The following LRCOL1 variants were observed in gnomAD, a reference collection of about 807,000 sequenced individuals.
LRCOL1 encodes the protein leucine-rich colipase-like protein 1.
A neutral mutation model predicts 21.6 loss-of-function variants in LRCOL1; 21 were observed. The ratio of observed to expected loss-of-function variants is 0.97; its 90% CI spans 0.69 to 1.40. The LOEUF (loss-of-function observed/expected upper bound fraction) is 1.40, where lower values mean the gene tolerates loss of function less well. LRCOL1 is among the 40% of genes most tolerant of loss of function. LRCOL1 has a pLI of 0.00. For missense variants in LRCOL1, 198 were observed against 202.3 expected, an observed-to-expected ratio of 0.98 and a Z score of 0.13; for synonymous variants, 98 against 90.1, an observed-to-expected ratio of 1.09 and a Z score of -0.49.
rs1022417601 is a variant in LRCOL1 at position 132,606,990 on chromosome 12, C to T, written c.-13-726G>A. Among the ~76,000 whole-genome samples, 7 of 152,216 alleles carry T rather than the reference C, an allele frequency of 4.6e-5. No individual in the cohort carries two copies. The highest frequency in any genetic ancestry group is 1.4e-4 in the African/African-American group (6 of 41,464). ...TTCCCCTGATGAATTTGAACGTGAG[C>T]ACCTGCTGTGAGCGGGAGCGGGGGC... On this transcript the variant is annotated intron_variant, in intron 1 of 5. Coordinates refer to ENST00000376608, the MANE Select transcript of LRCOL1 (RefSeq NM_001195520.2). The surrounding 1 kb of genome is among the most constrained non-coding windows in gnomAD (Gnocchi z 4.6).
At chr12:132,609,718 T>G (rs2041351720) in intron 1 of LRCOL1, among the ~76,000 whole-genome samples, 1 of 152,098 alleles carries the variant, frequency 6.6e-6, no homozygotes, top group African/African-American at 2.4e-5. Context: ...GTTAAAATGG[T>G]CAACTTTATG....
chr12:132,604,042 C>G (rs2041265136), intron 5 of LRCOL1: 2 of 1,392,926 alleles, frequency 1.4e-6, no homozygotes, highest in African/African-American at 2.9e-5. Flanking sequence ...CCTGCGGGGC[C>G]TGGTGGGCTC....
chr12:132,603,493 T>G, intron 5 of LRCOL1, 89 bp from the exon 6 acceptor site: 4 of 1,534,886 alleles, frequency 2.6e-6, no homozygotes, highest in Non-Finnish European at 3.5e-6. Flanking sequence ...GGCCACAGCA[T>G]CTCCCGGCAC....
At position 132,606,125 on chromosome 12, in the gene LRCOL1, A is replaced by C. The variant is rs1007862859; in HGVS notation, c.105+22T>G. 1 of 1,534,584 alleles carries C rather than the reference A, an allele frequency of 6.5e-7. No homozygotes were observed. The highest frequency in any genetic ancestry group is 8.7e-7 in the Non-Finnish European group (1 of 1,145,650). ...TGGCGCGTGTGGGGCCTGCAGGGGC[A>C]TCAGGGGTGCCCGGCACCCACCTTA... On this transcript the variant is annotated intron_variant, in intron 2 of 5. Transcript: ENST00000376608. The surrounding 1 kb of genome is among the most constrained non-coding windows in gnomAD (Gnocchi z 4.6).
Position 132,604,772 on chromosome 12 carries a change from G to A in LRCOL1, c.165C>T (p.Asn55=). 1 of 1,536,200 alleles carries A rather than the reference G, an allele frequency of 6.5e-7. No individual in the cohort carries two copies. The highest frequency in any genetic ancestry group is 8.7e-7 in the Non-Finnish European group (1 of 1,146,906). The part of the protein sequence containing the change: ...EECQSNCCTI[N]SLAPHTLCTP... ...TGCAGAGCGTGTGTGGGGCCAGGCTGTTGATGGTACAGCAGTTGCTCTGGC... is the reference window on the plus strand; with the variant it reads ...TGCAGAGCGTGTGTGGGGCCAGGCTATTGATGGTACAGCAGTTGCTCTGGC... Residue 55 remains asparagine, a synonymous_variant, in exon 3 of 6, where the codon AAC becomes AAT. Transcript: ENST00000376608.
At position 132,603,273 on chromosome 12, in the gene LRCOL1, T is replaced by G. The variant is rs1381342613; in HGVS notation, c.*129A>C. On this transcript the variant is annotated 3_prime_UTR_variant, in exon 6 of 6. Transcript: ENST00000376608. The stretch of plus-strand genomic sequence containing the variant: ...ACAGCCTTTCAGTTCCCACAGATTT[T>G]CAGAGCCCCAGAAACAGCAGCACAA... The G allele has an allele frequency of 2.1e-6, 3 of 1,396,820 alleles. No individual in the cohort carries two copies. The highest frequency in any genetic ancestry group is 2.9e-6 in the Non-Finnish European group (3 of 1,031,612). 86.5% of individuals were successfully genotyped at this position (1,396,820 alleles called of 1,614,324 possible).
At chr12:132,603,761 T>A in intron 5 of LRCOL1, 1 of 985,382 alleles carries the variant, frequency 1.0e-6, no homozygotes, top group South Asian at 4.7e-5. Context: ...TTTGCGCCGC[T>A]GGCGACCTGG....
chr12:132,603,500 G>T (rs1321714754), intron 5 of LRCOL1, 96 bp from the exon 6 acceptor site: 2 of 1,534,542 alleles, frequency 1.3e-6, no homozygotes, highest in African/African-American at 2.7e-5. Context: ...GCATCTCCCG[G>T]CACCAGCCTC....
chr12:132,604,435 C>T (rs1219197449), intron 4 of LRCOL1, 27 bp downstream of exon 4: 1 of 1,528,984 alleles, frequency 6.5e-7, no homozygotes, highest in Non-Finnish European at 8.7e-7. Context: ...ACCCCTGCTC[C>T]ATCTGCCCCG....
Position 132,603,196 on chromosome 12 carries a change from C to A in LRCOL1, c.*206G>T. Reference sequence around the variant, plus strand: ...ATTGATGTTTAACAATCAGGCTACACCCCAGTGCCTGGGATTTGTTCTCAC... The same window carrying A: ...ATTGATGTTTAACAATCAGGCTACAACCCAGTGCCTGGGATTTGTTCTCAC... On this transcript the variant is annotated 3_prime_UTR_variant, in exon 6 of 6. Transcript: ENST00000376608. 1.5e-6 allele frequency: 1 copy of A among 681,300 alleles called. No individual in the cohort carries two copies. The highest frequency in any genetic ancestry group is 2.4e-6 in the Non-Finnish European group (1 of 413,732). The allele number at this position is 681,300 out of a possible 1,614,324, so 42.2% of individuals were successfully genotyped here.
chr12:132,605,921 T>C (rs1457774795), intron 2 of LRCOL1: 2 of 551,312 alleles, frequency 3.6e-6, no homozygotes, highest in Non-Finnish European at 6.4e-6. Flanking sequence ...CGCCGTCCCA[T>C]AGCCTCAAGT....
chr12:132,605,076 G>A, intron 2 of LRCOL1: 3 of 1,329,202 alleles, frequency 2.3e-6, no homozygotes. Context: ...AAGGCACTGA[G>A]GGCAAGGATG....
intron 1 of LRCOL1, among the ~76,000 whole-genome samples, chr12:132,607,108 G>A (rs930594340): frequency 2.0e-5 from 3 of 152,206 alleles, no homozygotes; most frequent in African/African-American, 4.8e-5. Flanking sequence ...CCTGCGTGTG[G>A]TCAGCGGCCA....
At chr12:132,604,223 C>A in intron 5 of LRCOL1, 31 bp downstream of exon 5, 1 of 1,513,778 alleles carries the variant, frequency 6.6e-7, no homozygotes, top group Non-Finnish European at 8.8e-7. Context: ...CAAGGGAGGG[C>A]CTGGAGGCTG....
rs993918167 is a variant in LRCOL1 at position 132,604,546 on chromosome 12, C to G, written c.270G>C (p.Gln90His). ...TGTTGTTGCGGACGCAGCAGCTGCT[C>G]TGGCACTCTGAGTCGTGCGAGCATC... Reference protein sequence around the residue: ...GYRCSHDSECQSSCCVRNNSP... With the variant: ...GYRCSHDSECHSSCCVRNNSP... The change falls in exon 4 of 6, where the codon CAG becomes CAC. Residue 90 changes from glutamine to histidine, a missense_variant. Coordinates refer to ENST00000376608, the MANE Select transcript of LRCOL1 (RefSeq NM_001195520.2). 2.6e-6 allele frequency: 4 copies of G among 1,536,018 alleles called. No homozygotes were observed. Among genetic ancestry groups the G allele is most frequent in the Non-Finnish European group, 3.5e-6 (4 of 1,146,880 alleles).
At chr12:132,609,574 G>A (rs1446509926) in intron 1 of LRCOL1, among the ~76,000 whole-genome samples, 2 of 152,228 alleles carry the variant, frequency 1.3e-5, no homozygotes, top group Middle Eastern at 3.4e-3. Context: ...GTGCATCCCG[G>A]TAGTCCCAGC....
chr12:132,603,299 A>C lies in LRCOL1; in HGVS notation c.*103T>G, dbSNP rs1213946857. 2 of 1,493,240 alleles carry C rather than the reference A, an allele frequency of 1.3e-6. No homozygotes were observed. Among genetic ancestry groups the C allele is most frequent in the East Asian group, 2.5e-5 (1 of 40,406 alleles). The allele number at this position is 1,493,240 out of a possible 1,614,324, so 92.5% of individuals were successfully genotyped here. Reference sequence around the variant, plus strand: ...CAGAGCCCCAGAAACAGCAGCACAAACCGTAAGGGAAGCTTCCGCTGGAAC... The same window carrying C: ...CAGAGCCCCAGAAACAGCAGCACAACCCGTAAGGGAAGCTTCCGCTGGAAC... On this transcript the variant is annotated 3_prime_UTR_variant, in exon 6 of 6. Transcript: ENST00000376608.
intron 5 of LRCOL1, 91 bp downstream of exon 5, chr12:132,604,163 C>T (rs556039563): frequency 4.8e-6 from 7 of 1,458,712 alleles, no homozygotes; most frequent in South Asian, 2.8e-5. Context: ...CTCTCACAGC[C>T]GCGGTCCCGG....
chr12:132,608,391 A>G (rs2041338786), intron 1 of LRCOL1, among the ~76,000 whole-genome samples: 1 of 152,180 alleles, frequency 6.6e-6, no homozygotes, highest in Non-Finnish European at 1.5e-5. Context: ...TCAGGAACTG[A>G]TTTTACCTCC....
Sources: allele counts gnomAD v4.1 joint callset (sites outside exome capture counted in the v4.1 genomes callset), GRCh38; gene constraint gnomAD v4.1.1; non-coding constraint Gnocchi (gnomAD v3.1); transcripts MANE v1.5; gene names NCBI Gene and HGNC (gene_info 2026-07-23, HGNC 2026-07-21).